Variants in MFHAS1 observed in about 807,000 individuals in gnomAD.
MFHAS1 encodes malignant fibrous histiocytoma-amplified sequence 1.
Under a neutral mutation model 70.4 loss-of-function variants are expected in MFHAS1, and 50 were observed. That is an observed-to-expected ratio of 0.71 (90% CI 0.57 to 0.90). The LOEUF is 0.90. Ranked by LOEUF, MFHAS1 falls within the 40% of genes least tolerant of loss-of-function variation. MFHAS1 has a pLI of 0.00. For missense variants in MFHAS1, 1,795 were observed against 1,347.6 expected (o/e 1.33, Z -5.20); for synonymous variants, 952 against 620.0 (o/e 1.54, Z -7.96).
At chr8:8,832,822 G>A (rs1807455494) in intron 1 of MFHAS1, among the ~76,000 whole-genome samples, 1 of 151,716 alleles carries the variant, frequency 6.6e-6, no homozygotes, top group South Asian at 2.1e-4. Context: ...TTTTGTCGAG[G>A]CGAGGTCTCT....
chr8:8,813,280 C>T (rs936899181), intron 1 of MFHAS1, among the ~76,000 whole-genome samples: 87 of 152,184 alleles, frequency 5.7e-4, no homozygotes, highest in African/African-American at 2.1e-3. Context: ...TAATAACAAA[C>T]GACTATGTTA....
chr8:8,861,385 C>T (rs1451908075), intron 1 of MFHAS1, among the ~76,000 whole-genome samples: 1 of 152,142 alleles, frequency 6.6e-6, no homozygotes, highest in Non-Finnish European at 1.5e-5. Context: ...TTCAGTCTAA[C>T]AGAATATAAT....
intron 1 of MFHAS1, among the ~76,000 whole-genome samples, chr8:8,835,143 G>A (rs539142177): frequency 3.3e-5 from 5 of 151,896 alleles, no homozygotes; most frequent in Admixed American, 6.6e-5. Flanking sequence ...GTGGTTGTTC[G>A]AGGGTGAGCA....
intron 1 of MFHAS1, among the ~76,000 whole-genome samples, chr8:8,857,345 T>C (rs900051112): frequency 6.6e-6 from 1 of 152,182 alleles, no homozygotes; most frequent in African/African-American, 2.4e-5. Flanking sequence ...CATAATGAGA[T>C]ATCTTCCAGG....
chr8:8,806,320 G>C (rs1470255140), intron 1 of MFHAS1, among the ~76,000 whole-genome samples: 1 of 152,184 alleles, frequency 6.6e-6, no homozygotes, highest in Admixed American at 6.5e-5. Flanking sequence ...CCACTTTGAA[G>C]TGTGAGGCTC....
At chr8:8,884,041 AACACACACACACACACACACACACACAC>A (rs10660555) in intron 1 of MFHAS1, among the ~76,000 whole-genome samples, 3,555 of 134,168 alleles carry the variant, frequency 0.026, 143 homozygotes, top group African/African-American at 0.091. Context: ...CTATTTCACA[AACACACACACACACACACACACACACAC>A]ACACACACAC....
intron 1 of MFHAS1, among the ~76,000 whole-genome samples, chr8:8,830,956 T>C (rs1290356093): frequency 2.6e-5 from 4 of 152,162 alleles, no homozygotes; most frequent in African/African-American, 9.7e-5. Flanking sequence ...CTTAGTCTGC[T>C]CAGGTTGCTA....
At chr8:8,832,051 C>T (rs1322256737) in intron 1 of MFHAS1, among the ~76,000 whole-genome samples, 1 of 37,110 alleles carries the variant, frequency 2.7e-5, no homozygotes, top group Admixed American at 3.2e-4. Context: ...CACATGCACG[C>T]GCGCGCGCGC....
intron 1 of MFHAS1, among the ~76,000 whole-genome samples, chr8:8,828,003 C>G (rs1807228630): frequency 6.6e-6 from 1 of 152,032 alleles, no homozygotes; most frequent in African/African-American, 2.4e-5. Context: ...AGCTCTTCAG[C>G]TGTCCTAAAC....
At chr8:8,818,900 G>C (rs1042889949) in intron 1 of MFHAS1, among the ~76,000 whole-genome samples, 1 of 152,166 alleles carries the variant, frequency 6.6e-6, no homozygotes, top group Non-Finnish European at 1.5e-5. Context: ...TGTTTCTGAA[G>C]GAAGTGTATT....
chr8:8,805,858 T>C (rs1806270897), intron 1 of MFHAS1, among the ~76,000 whole-genome samples: 1 of 151,506 alleles, frequency 6.6e-6, no homozygotes, highest in Non-Finnish European at 1.5e-5. Context: ...CCACCATGAC[T>C]GGCTAATTTT....
chr8:8,863,425 G>C (rs1808739877), intron 1 of MFHAS1, among the ~76,000 whole-genome samples: 1 of 152,114 alleles, frequency 6.6e-6, no homozygotes, highest in South Asian at 2.1e-4. Flanking sequence ...GGACTTCAAA[G>C]GCCTCCATGT....
At chr8:8,848,397 GA>G (rs11362070) in intron 1 of MFHAS1, among the ~76,000 whole-genome samples, 81,157 of 130,954 alleles carry the variant, frequency 0.62, 23,657 homozygotes, top group East Asian at 0.84. Context: ...TAAAGAGGAA[GA>G]AAAAAAAAAA....
At chr8:8,847,003 G>T (rs1345068388) in intron 1 of MFHAS1, among the ~76,000 whole-genome samples, 7 of 151,904 alleles carry the variant, frequency 4.6e-5, no homozygotes, top group Admixed American at 4.6e-4. Context: ...TTGTTGAATG[G>T]ATGAATAAAT....
At chr8:8,830,386 ATTGT>A (rs969030005) in intron 1 of MFHAS1, among the ~76,000 whole-genome samples, 5 of 152,200 alleles carry the variant, frequency 3.3e-5, no homozygotes, top group Admixed American at 1.3e-4. Flanking sequence ...GGCTTTCAGT[ATTGT>A]TTTTGTTCAG....
Position 8,890,194 on chromosome 8 carries a change from T to C in MFHAS1, c.2865A>G (p.Ala955=), listed in dbSNP as rs746882130. ...CCACCAAGGGGGTTATGGCTTGCCA[T>C]GCGGTCCATATATTTGGTAATGATG... The part of the protein sequence containing the change: ...SHASLPNIWT[A]WQAITPLVEE... Residue 955 remains alanine, a synonymous_variant, in exon 1 of 3, where the codon GCA becomes GCG. Coordinates refer to ENST00000276282, the MANE Select transcript of MFHAS1 (RefSeq NM_004225.3). The C allele has an allele frequency of 6.2e-7, 1 of 1,614,200 alleles. No individual in the cohort carries two copies. The highest frequency in any genetic ancestry group is 1.1e-5 in the South Asian group (1 of 91,084).
At chr8:8,813,115 TG>T (rs1398380561) in intron 1 of MFHAS1, among the ~76,000 whole-genome samples, 1 of 152,136 alleles carries the variant, frequency 6.6e-6, no homozygotes, top group Non-Finnish European at 1.5e-5. Context: ...TTTATAAGGG[TG>T]GTCCCATAAG....
At chr8:8,868,854 T>A (rs1808963013) in intron 1 of MFHAS1, among the ~76,000 whole-genome samples, 1 of 152,074 alleles carries the variant, frequency 6.6e-6, no homozygotes, top group Admixed American at 6.5e-5. Context: ...TCTAAAGAAA[T>A]CTTTGCTAGG....
At chr8:8,788,081 T>C (rs149660496) in intron 2 of MFHAS1, among the ~76,000 whole-genome samples, 3 of 152,332 alleles carry the variant, frequency 2.0e-5, no homozygotes, top group East Asian at 1.9e-4. Flanking sequence ...TTCTTCCCTG[T>C]GCTTACAAGA....
Sources: gnomAD v4.1 joint callset for allele counts (sites outside exome capture counted in the v4.1 genomes callset) on GRCh38, gnomAD v4.1.1 for gene constraint, MANE v1.5 for transcripts, NCBI Gene and HGNC (gene_info 2026-07-23, HGNC 2026-07-21) for gene names.